The following APC2 variants were observed in gnomAD, a reference collection of about 807,000 sequenced individuals.
APC2 encodes the protein adenomatous polyposis coli protein 2.
In APC2, 41 loss-of-function variants were observed where a neutral mutation model predicts 72.5. That is an observed-to-expected ratio of 0.57 (90% confidence interval 0.44 to 0.73). The LOEUF (loss-of-function observed/expected upper bound fraction) is 0.73, where lower values mean the gene tolerates loss of function less well. Among genes scored for constraint, APC2 ranks in the 30% least tolerant of loss-of-function variants. The pLI is 0.00. For missense variants in APC2, 3,729 were observed against 3,403.4 expected (o/e 1.10, Z -2.38); for synonymous variants, 1,898 against 1,612.0 (o/e 1.18, Z -4.25).
At position 1,470,486 on chromosome 19, in the gene APC2, G is replaced by A; in HGVS notation, c.*273G>A. ...GCGCTGGCAAGGGCGTCCTGGCCCA[G>A]CCCTGAGCGCGCGGCCCTTCCCCTG... On this transcript the variant is annotated 3_prime_UTR_variant, in exon 15 of 15. Transcript: ENST00000590469. 2.3e-6 allele frequency: 1 copy of A among 434,848 alleles called. No individual in the cohort carries two copies. The highest frequency in any genetic ancestry group is 4.0e-6 in the Non-Finnish European group (1 of 248,982). The allele number at this position is 434,848 out of a possible 1,614,324, so 26.9% of individuals were successfully genotyped here.
In APC2 at chr19:1,460,176, C is replaced by T. The variant is rs757498803; in HGVS notation, c.1304-5C>T. 1 of 1,613,242 alleles carries T rather than the reference C, an allele frequency of 6.2e-7. No individual in the cohort carries two copies. Among genetic ancestry groups the T allele is most frequent in the East Asian group, 2.2e-5 (1 of 44,886 alleles). The stretch of plus-strand genomic sequence containing the variant: ...CCACCCACCAACCTTGTTGGGTCCT[C>T]ACAGGTGGGCTGCAGGCCGTGGCAG... On this transcript the variant is annotated splice_polypyrimidine_tract_variant and splice_region_variant and intron_variant, in intron 10 of 14. Transcript: ENST00000590469.
chr19:1,466,651 C>G lies in APC2; in HGVS notation c.3350C>G (p.Pro1117Arg). ...GAGCTGGACAGCACGTGGCGGGCGC[C>G]CGGGGCCACCTCGCTGCCCGTAGCC... ...EAELDSTWRA[P>R]GATSLPVAIP... The change falls in exon 15 of 15, where the codon CCC becomes CGC. Residue 1117 changes from proline (P) to arginine (R), a missense_variant. Pro to Arg is a moderately radical substitution (Grantham distance 103). Transcript: ENST00000590469. The G allele has an allele frequency of 6.7e-7, 1 of 1,494,620 alleles. No individual in the cohort carries two copies. The highest frequency in any genetic ancestry group is 8.9e-7 in the Non-Finnish European group (1 of 1,123,106). The allele number at this position is 1,494,620 out of a possible 1,614,324, so 92.6% of individuals were successfully genotyped here. A position where few individuals can be genotyped will look rare whatever the true frequency, so the allele number is the denominator to read the frequency against.
chr19:1,459,399 G>A (rs1170143260), intron 10 of APC2, among the ~76,000 whole-genome samples: 3 of 152,208 alleles, frequency 2.0e-5, no homozygotes, highest in East Asian at 1.9e-4. Flanking sequence ...CTGAGGCTGC[G>A]TGACATCCCA....
chr19:1,455,086 A>G, intron 4 of APC2, 63 bp from the exon 5 acceptor site: 2 of 1,137,596 alleles, frequency 1.8e-6, no homozygotes, highest in Non-Finnish European at 2.5e-6. Flanking sequence ...AGTGATTACA[A>G]ATATCAAAAT....
rs546547223 is a variant in APC2, at chr19:1,471,859, C to T, written c.*1646C>T. Reference sequence around the variant, plus strand: ...GCTGTGAGCAAAGCTGACCCCAGCCCCCACCCCCAGTTAACACTGCTGCTT... The same window carrying T: ...GCTGTGAGCAAAGCTGACCCCAGCCTCCACCCCCAGTTAACACTGCTGCTT... On this transcript the variant is annotated 3_prime_UTR_variant, in exon 15 of 15. Transcript: ENST00000590469. The T allele has an allele frequency of 1.6e-3, 243 of 152,514 alleles. No individual in the cohort carries two copies. The highest frequency in any genetic ancestry group is 2.8e-3 in the Non-Finnish European group (189 of 68,184). The allele number at this position is 152,514 out of a possible 1,614,324, so 9.4% of individuals were successfully genotyped here. A position where few individuals can be genotyped will look rare whatever the true frequency, so the allele number is the denominator to read the frequency against.
intron 11 of APC2, 129 bp from the exon 12 acceptor site, chr19:1,460,651 C>A: frequency 9.7e-7 from 1 of 1,035,968 alleles, no homozygotes; most frequent in South Asian, 1.6e-5. Context: ...GGGTAACCGT[C>A]CCCGGTAGTG....
intron 1 of APC2, among the ~76,000 whole-genome samples, 163 bp downstream of exon 1, chr19:1,450,501 G>A (rs1305180365): frequency 6.6e-6 from 1 of 152,200 alleles, no homozygotes; most frequent in Non-Finnish European, 1.5e-5. Context: ...GGGCGTCAGC[G>A]TTTCTGCAGC....
chr19:1,461,532 C>A, intron 13 of APC2: 1 of 357,576 alleles, frequency 2.8e-6, no homozygotes, highest in Non-Finnish European at 5.2e-6. Context: ...CAGCCTGGGC[C>A]ACAGAGCAAG....
rs955463430 is a variant in APC2 at position 1,473,189 on chromosome 19, G to C, written c.*2976G>C. ...AAAGCCATCTGTCCGGCGTAAGGAC[G>C]ACACCGTCAGCTGTCCGACTCGCAC... On this transcript the variant is annotated 3_prime_UTR_variant, in exon 15 of 15. Coordinates refer to ENST00000590469, the MANE Select transcript of APC2 (RefSeq NM_005883.3). 1 of 152,306 alleles carries C rather than the reference G, an allele frequency of 6.6e-6. No homozygotes were observed. The highest frequency in any genetic ancestry group is 6.5e-5 in the Admixed American group (1 of 15,290). 9.4% of individuals were successfully genotyped at this position (152,306 alleles called of 1,614,324 possible). A position where few individuals can be genotyped will look rare whatever the true frequency, so the allele number is the denominator to read the frequency against.
At position 1,462,149 on chromosome 19, in the gene APC2, A is replaced by G; in HGVS notation, c.1825A>G (p.Ser609Gly). ...CGGCGGCATCCTCCGCAATGTGTCC[A>G]GCCTCGTCGCCACCCGTGAGGACTA... ...SGGGILRNVS[S>G]LVATREDYRQ... Residue 609 changes from serine to glycine, a missense_variant, in exon 14 of 15, where the codon AGC becomes GGC. Transcript: ENST00000590469. 6.2e-7 allele frequency: 1 copy of G among 1,609,398 alleles called. No homozygotes were observed. The highest frequency in any genetic ancestry group is 8.5e-7 in the Non-Finnish European group (1 of 1,179,084).
rs939137024 is a variant in APC2 at position 1,467,872 on chromosome 19, C to T, written c.4571C>T (p.Thr1524Met). 21 of 1,568,962 alleles carry T rather than the reference C, an allele frequency of 1.3e-5. No individual in the cohort carries two copies. Among genetic ancestry groups the T allele is most frequent in the Non-Finnish European group, 1.7e-5 (20 of 1,166,614 alleles). Residue 1524 changes from threonine (T) to methionine (M), a missense_variant, in exon 15 of 15, where the codon ACG (threonine) becomes ATG (methionine). By Grantham distance (81) the Thr-to-Met change is moderately conservative. Coordinates refer to ENST00000590469, the MANE Select transcript of APC2 (RefSeq NM_005883.3). ...SDEEPPAAAPTPTHRRTSAIP... is the reference protein window; with the variant it reads ...SDEEPPAAAPMPTHRRTSAIP... Reference sequence around the variant, plus strand: ...GAGGAGCCCCCGGCGGCCGCGCCCACGCCAACCCACCGGCGCACATCGGCC... The same window carrying T: ...GAGGAGCCCCCGGCGGCCGCGCCCATGCCAACCCACCGGCGCACATCGGCC...
intron 14 of APC2, among the ~76,000 whole-genome samples, chr19:1,463,855 C>G (rs897266590): frequency 2.0e-5 from 3 of 152,090 alleles, no homozygotes; most frequent in Non-Finnish European, 4.4e-5. Context: ...TGAAGTACAT[C>G]TCAAATACAC....
chr19:1,446,239 C>G (rs999951594), upstream of APC2: 3 of 980,098 alleles, frequency 3.1e-6, no homozygotes, highest in Non-Finnish European at 3.6e-6. This position sits in a 1 kb window ranked among gnomAD's most constrained non-coding sequence, Gnocchi z 6.1. Flanking sequence ...CACCCCCACC[C>G]TGGCCGCCGA....
chr19:1,467,604 G>T lies in APC2; in HGVS notation c.4303G>T (p.Ala1435Ser). ...RQRPTGRPTS[A>S]RQAMGHRHKA... ...AAGACCCACCGGCCGCCCCACCTCT[G>T]CCAGACAGGCCATGGGGCACCGGCA... Residue 1435 changes from alanine (A) to serine (S), a missense_variant, in exon 15 of 15, where the codon GCC becomes TCC. Physicochemically the swap from Ala to Ser is moderately conservative, Grantham distance 99. Coordinates refer to ENST00000590469, the MANE Select transcript of APC2 (RefSeq NM_005883.3). The T allele has an allele frequency of 2.7e-6, 4 of 1,508,474 alleles. No homozygotes were observed. The South Asian group carries it at 3.7e-5, about 14-fold the overall frequency. The allele number at this position is 1,508,474 out of a possible 1,614,324, so 93.4% of individuals were successfully genotyped here.
At chr19:1,448,674 C>T (rs1217341023), upstream of APC2, among the ~76,000 whole-genome samples, 1 of 151,580 alleles carries the variant, frequency 6.6e-6, no homozygotes, top group Admixed American at 6.6e-5. Flanking sequence ...AATCCCGTCT[C>T]TACTAAAAAA....
upstream of APC2, among the ~76,000 whole-genome samples, chr19:1,449,812 A>G (rs1358490422): frequency 6.6e-6 from 1 of 152,132 alleles, no homozygotes; most frequent in Non-Finnish European, 1.5e-5. Flanking sequence ...ATGCTGATGT[A>G]ACATCCAGGA....
In APC2 at chr19:1,469,627, GC is replaced by G; in HGVS notation, c.6327del (p.Arg2110GlyfsTer225). On this transcript the variant is annotated frameshift_variant, in exon 15 of 15. Coordinates refer to ENST00000590469, the MANE Select transcript of APC2 (RefSeq NM_005883.3). LOFTEE classifies it low-confidence loss of function (END_TRUNC). Reference sequence around the variant, plus strand: ...TCGCTGCCGCACATCAGCGTGGCCCGCAGGCCCGACGGCGCCGTCCCCGCGG... The same window carrying G: ...TCGCTGCCGCACATCAGCGTGGCCCGAGGCCCGACGGCGCCGTCCCCGCGG... ...YASLPHISVARRPDGAVPAAP... is the reference protein window; with the variant it reads ...YASLPHISVAXRPDGAVPAAP... 1 of 1,233,464 alleles carries G rather than the reference GC, an allele frequency of 8.1e-7. No homozygotes were observed. The highest frequency in any genetic ancestry group is 2.5e-5 in the South Asian group (1 of 39,930). The allele number at this position is 1,233,464 out of a possible 1,614,324, so 76.4% of individuals were successfully genotyped here. A position where few individuals can be genotyped will look rare whatever the true frequency, so the allele number is the denominator to read the frequency against.
intron 6 of APC2, 69 bp downstream of exon 6, chr19:1,455,569 A>C: frequency 7.0e-7 from 1 of 1,432,204 alleles, no homozygotes; most frequent in African/African-American, 1.4e-5. Context: ...CAGAGTGCAG[A>C]TATTATGGGC....
In APC2 at chr19:1,467,310, G is replaced by A; in HGVS notation, c.4009G>A (p.Asp1337Asn). The A allele has an allele frequency of 1.5e-6, 2 of 1,346,710 alleles. No individual in the cohort carries two copies. The highest frequency in any genetic ancestry group is 2.7e-4 in the Middle Eastern group (1 of 3,700). The allele number at this position is 1,346,710 out of a possible 1,614,324, so 83.4% of individuals were successfully genotyped here. A position where few individuals can be genotyped will look rare whatever the true frequency, so the allele number is the denominator to read the frequency against. ...PTGSRPRGAA[D>N]QELELLRECL... ...GGGTTCTCGCCCTCGCGGCGCCGCG[G>A]ACCAGGAGCTGGAACTGCTGCGGGA... The change falls in exon 15 of 15, where the codon GAC becomes AAC. Residue 1337 changes from aspartate (D) to asparagine (N), a missense_variant. Coordinates refer to ENST00000590469, the MANE Select transcript of APC2 (RefSeq NM_005883.3).
Sources: allele counts gnomAD v4.1 joint callset (sites outside exome capture counted in the v4.1 genomes callset), GRCh38; gene constraint gnomAD v4.1.1; non-coding constraint Gnocchi (gnomAD v3.1); transcripts MANE v1.5; gene names NCBI Gene and HGNC (gene_info 2026-07-23, HGNC 2026-07-21).